Variants in SFXN5 observed in about 807,000 individuals in gnomAD.
The protein encoded by SFXN5 is sideroflexin-5.
SFXN5 carries 43 observed loss-of-function variants against 50.2 expected under a neutral mutation model. The ratio of observed to expected loss-of-function variants is 0.86; its 90% CI spans 0.67 to 1.11. SFXN5 has a LOEUF of 1.11. Among genes scored for constraint, SFXN5 ranks in the 50% least tolerant of loss-of-function variants. SFXN5 has a pLI of 0.00. For missense variants in SFXN5, 463 were observed against 454.1 expected (o/e 1.02, Z -0.18); for synonymous variants, 203 against 185.8 (o/e 1.09, Z -0.75).
chr2:73,065,583 G>A (rs1291866348), intron 1 of SFXN5, among the ~76,000 whole-genome samples: 1 of 151,784 alleles, frequency 6.6e-6, no homozygotes, highest in African/African-American at 2.4e-5. Context: ...ATTTTGTAGA[G>A]ACAGGGTTTT....
At chr2:72,968,124 C>A (rs1199420366) in intron 12 of SFXN5, among the ~76,000 whole-genome samples, 1 of 59,474 alleles carries the variant, frequency 1.7e-5, no homozygotes, top group Non-Finnish European at 3.1e-5. Flanking sequence ...CACATGAAAA[C>A]ACACACACAC....
chr2:73,029,188 G>A (rs1055560307), intron 3 of SFXN5, among the ~76,000 whole-genome samples: 1 of 152,210 alleles, frequency 6.6e-6, no homozygotes, highest in Non-Finnish European at 1.5e-5. Context: ...TGAGTGAAAG[G>A]AGGCATCCTG....
intron 13 of SFXN5, chr2:72,956,856 G>C: frequency 2.9e-6 from 1 of 349,952 alleles, no homozygotes; most frequent in East Asian, 7.8e-5. Context: ...TTCTCCCACA[G>C]TTCCCCATCT....
chr2:72,999,008 G>T lies in SFXN5; in HGVS notation c.475C>A (p.Pro159Thr), dbSNP rs1046141925. The change falls in exon 9 of 14, where the codon CCT becomes ACT. Residue 159 changes from proline to threonine, a missense_variant. Transcript: ENST00000272433. ...YANRNATKPS[P>T]ASKFIQGYLG... ...TATCCCTGGATGAACTTGGATGCAG[G>T]TGAAGGCTGGAAAACAGAGGCAGAA... 1 of 1,614,176 alleles carries T rather than the reference G, an allele frequency of 6.2e-7. No individual in the cohort carries two copies. Among genetic ancestry groups the T allele is most frequent in the East Asian group, 2.2e-5 (1 of 44,874 alleles).
chr2:73,071,265 G>C (rs971269134), intron 1 of SFXN5: 10 of 301,728 alleles, frequency 3.3e-5, no homozygotes, highest in Non-Finnish European at 6.2e-5. Context: ...GCACAACCCG[G>C]AGCGACCCTG....
At chr2:73,001,660 A>T in intron 6 of SFXN5, 82 bp from the exon 7 acceptor site, 1 of 1,315,662 alleles carries the variant, frequency 7.6e-7, no homozygotes. Context: ...GCTACCACAA[A>T]TGAGTGAGCT....
rs185203765 is a variant in SFXN5, at chr2:72,960,879, G to C, written c.945+252C>G. ...CCCTCTAGGCTCAGTTTGGTCTGCT[G>C]TCTCCTTCCACACCCAGTGGAGCTT... On this transcript the variant is annotated intron_variant, in intron 13 of 13. Coordinates refer to ENST00000272433, the MANE Select transcript of SFXN5 (RefSeq NM_144579.3). This position sits in a 1 kb window ranked among gnomAD's most constrained non-coding sequence, Gnocchi z 6.1. Among the ~76,000 whole-genome samples the C allele has an allele frequency of 3.0e-3, 450 of 152,242 alleles. 2 individuals are homozygous for C. The highest frequency in any genetic ancestry group is 5.2e-3 in the Non-Finnish European group (354 of 68,008).
intron 9 of SFXN5, chr2:72,998,124 T>C (rs1027694617): frequency 2.6e-5 from 4 of 152,184 alleles, no homozygotes; most frequent in Non-Finnish European, 5.9e-5. Flanking sequence ...ATTAATGTAT[T>C]GTGTAATGGA....
intron 2 of SFXN5, among the ~76,000 whole-genome samples, chr2:73,047,275 T>TATAC (rs1300799277): frequency 7.7e-5 from 4 of 51,740 alleles, no homozygotes; most frequent in South Asian, 6.9e-4. Flanking sequence ...TATATATATA[T>TATAC]ACACACATAT....
chr2:73,035,803 A>G (rs1296824998), intron 3 of SFXN5, among the ~76,000 whole-genome samples: 1 of 152,160 alleles, frequency 6.6e-6, no homozygotes, highest in Non-Finnish European at 1.5e-5. Context: ...CTTGGCTGGT[A>G]TAGCAACCTT....
Position 72,961,436 on chromosome 2 carries a change from C to T in SFXN5, c.828-188G>A, listed in dbSNP as rs1410607675. 6.6e-6 allele frequency among the ~76,000 whole-genome samples: 1 copy of T among 152,186 alleles called. No individual in the cohort carries two copies. Among genetic ancestry groups the T allele is most frequent in the African/African-American group, 2.4e-5 (1 of 41,444 alleles). On this transcript the variant is annotated intron_variant, in intron 12 of 13. Coordinates refer to ENST00000272433, the MANE Select transcript of SFXN5 (RefSeq NM_144579.3). The surrounding 1 kb of genome is among the most constrained non-coding windows in gnomAD (Gnocchi z 4.4). ...CCTTTTCCCGATAGGTACCCCTATC[C>T]CAGCGGGTATAGACCCCTATCCCAA...
At chr2:72,967,782 G>A (rs988879956) in intron 12 of SFXN5, among the ~76,000 whole-genome samples, 1 of 151,996 alleles carries the variant, frequency 6.6e-6, no homozygotes, top group Admixed American at 6.5e-5. Flanking sequence ...TTCTCCCAGG[G>A]CCCGCCCTCT....
At chr2:73,052,466 T>C (rs771662269) in intron 2 of SFXN5, among the ~76,000 whole-genome samples, 3 of 152,096 alleles carry the variant, frequency 2.0e-5, no homozygotes, top group Admixed American at 2.0e-4. Flanking sequence ...ACTCTGTATT[T>C]GTATCTCTCA....
intron 2 of SFXN5, 102 bp from the exon 3 acceptor site, chr2:73,041,033 G>C: frequency 2.4e-6 from 2 of 832,282 alleles, no homozygotes; most frequent in Non-Finnish European, 3.7e-6. Context: ...CCAGTGCAAG[G>C]CTTTGGGCCT....
At chr2:73,032,315 G>A (rs989377783) in intron 3 of SFXN5, among the ~76,000 whole-genome samples, 1 of 152,178 alleles carries the variant, frequency 6.6e-6, no homozygotes, top group Admixed American at 6.5e-5. Flanking sequence ...CTGTGCCTCT[G>A]CTGAGCATAA....
rs1448739679 is a variant in SFXN5 at position 72,945,886 on chromosome 2, C to A, written c.946-787G>T. ...TCCCTCGCCCACTCTCCAGAGGCCA[C>A]TGGATACCTGCTCTGCTCTCCTCTC... On this transcript the variant is annotated intron_variant, in intron 13 of 13. Transcript: ENST00000272433. This position sits in a 1 kb window ranked among gnomAD's most constrained non-coding sequence, Gnocchi z 5.8. Among the ~76,000 whole-genome samples the A allele has an allele frequency of 6.6e-6, 1 of 152,020 alleles. No individual in the cohort carries two copies. Among genetic ancestry groups the A allele is most frequent in the Non-Finnish European group, 1.5e-5 (1 of 68,006 alleles).
intron 3 of SFXN5, among the ~76,000 whole-genome samples, chr2:73,024,894 T>G (rs993655190): frequency 1.3e-5 from 2 of 152,200 alleles, no homozygotes; most frequent in African/African-American, 4.8e-5. Flanking sequence ...ATTGATACAT[T>G]AAAGTTTATG....
intron 6 of SFXN5, among the ~76,000 whole-genome samples, chr2:73,017,648 G>C (rs1676340298): frequency 6.6e-6 from 1 of 152,150 alleles, no homozygotes; most frequent in South Asian, 2.1e-4. Context: ...TATACTGTTG[G>C]AGTCTCATTC....
intron 2 of SFXN5, among the ~76,000 whole-genome samples, chr2:73,041,930 C>G (rs1294053685): frequency 6.6e-6 from 1 of 152,120 alleles, no homozygotes; most frequent in Non-Finnish European, 1.5e-5. Flanking sequence ...AACTCCTGGG[C>G]TCAAGCGAGA....
Sources: gnomAD v4.1 joint callset for allele counts (sites outside exome capture counted in the v4.1 genomes callset) on GRCh38, gnomAD v4.1.1 for gene constraint, Gnocchi (gnomAD v3.1) non-coding constraint, MANE v1.5 for transcripts, NCBI Gene and HGNC (gene_info 2026-07-23, HGNC 2026-07-21) for gene names.